ARMC9: variants seen among roughly 807,000 people sequenced by gnomAD.
ARMC9 encodes the protein armadillo repeat containing 9, also known as lisH domain-containing protein ARMC9.
A neutral mutation model predicts 107.0 loss-of-function variants in ARMC9; 94 were observed. The observed-to-expected ratio is 0.88, with a 90% CI of 0.74 to 1.04. The LOEUF is 1.04. ARMC9 is among the 50% of genes least tolerant of loss of function. The pLI is 0.00. For missense variants in ARMC9, 942 were observed against 1,030.1 expected, an observed-to-expected ratio of 0.91 and a Z score of 1.17; for synonymous variants, 380 against 396.9, an observed-to-expected ratio of 0.96 and a Z score of 0.51.
chr2:231,296,452 T>C (rs2041374227), intron 19 of ARMC9, among the ~76,000 whole-genome samples, 199 bp downstream of exon 19: 2 of 152,160 alleles, frequency 1.3e-5, no homozygotes, highest in Non-Finnish European at 2.9e-5. Flanking sequence ...CCAGCGGCCA[T>C]GTTTGAAGAC....
chr2:231,236,722 T>C (rs1157359106), intron 8 of ARMC9, among the ~76,000 whole-genome samples: 1 of 152,144 alleles, frequency 6.6e-6, no homozygotes. Flanking sequence ...GGGCAGATCA[T>C]CTGAGGTCAG....
At chr2:231,316,069 C>T (rs1400046899) in intron 19 of ARMC9, among the ~76,000 whole-genome samples, 1 of 151,968 alleles carries the variant, frequency 6.6e-6, no homozygotes, top group Non-Finnish European at 1.5e-5. Flanking sequence ...CTTTTGTGCT[C>T]TTGTTGCCAT....
At chr2:231,307,880 AG>A (rs1304780983) in intron 19 of ARMC9, among the ~76,000 whole-genome samples, 7 of 152,350 alleles carry the variant, frequency 4.6e-5, no homozygotes, top group Admixed American at 1.3e-4. Flanking sequence ...CAAATAAGAG[AG>A]GTGTTCAAGC....
chr2:231,317,383 C>T (rs1435530855), intron 19 of ARMC9, among the ~76,000 whole-genome samples: 1 of 152,184 alleles, frequency 6.6e-6, no homozygotes, highest in Non-Finnish European at 1.5e-5. Flanking sequence ...GCTGGCCAGA[C>T]TGGTCTCGAA....
At chr2:231,312,598 CTTTT>C (rs1205045864) in intron 19 of ARMC9, among the ~76,000 whole-genome samples, 2 of 126,594 alleles carry the variant, frequency 1.6e-5, no homozygotes, top group Non-Finnish European at 3.4e-5. Context: ...GTTTCACACA[CTTTT>C]TTTTTTTTTT....
chr2:231,348,200 T>C (rs1388236957), intron 21 of ARMC9, among the ~76,000 whole-genome samples: 2 of 152,166 alleles, frequency 1.3e-5, no homozygotes, highest in Non-Finnish European at 2.9e-5. Context: ...GTGGACCCAA[T>C]GTAATCACAA....
intron 19 of ARMC9, among the ~76,000 whole-genome samples, chr2:231,303,769 T>C (rs1363896535): frequency 1.3e-5 from 2 of 149,336 alleles, no homozygotes; most frequent in East Asian, 2.0e-4. Context: ...GAAACCCCAT[T>C]TCTACTAAAA....
At chr2:231,295,489 C>T (rs925569733) in intron 18 of ARMC9, 2 of 152,342 alleles carry the variant, frequency 1.3e-5, no homozygotes, top group East Asian at 1.9e-4. Context: ...GGCCCTAAGC[C>T]GGGCGCTTCC....
chr2:231,287,470 A>C (rs973642903), intron 17 of ARMC9, among the ~76,000 whole-genome samples: 14 of 152,240 alleles, frequency 9.2e-5, no homozygotes, highest in African/African-American at 3.4e-4. Flanking sequence ...CAGGTGTCAC[A>C]GTTGTCCATT....
At chr2:231,271,368 G>T (rs973184105) in intron 13 of ARMC9, among the ~76,000 whole-genome samples, 2 of 152,140 alleles carry the variant, frequency 1.3e-5, no homozygotes, top group Admixed American at 6.6e-5. Flanking sequence ...TATATCACAG[G>T]TAATGAATGC....
At chr2:231,306,525 C>T (rs2042043657) in intron 19 of ARMC9, among the ~76,000 whole-genome samples, 2 of 152,080 alleles carry the variant, frequency 1.3e-5, no homozygotes, top group South Asian at 4.1e-4. Flanking sequence ...AAAAATGTGG[C>T]TGTTGGTCAC....
rs1376885963 is a variant in ARMC9, at chr2:231,277,665, C to T, written c.1475-717C>T. On this transcript the variant is annotated intron_variant, in intron 15 of 24. Transcript: ENST00000611582. ...GCAACCTCTGCCTCCCGGGTTCAAG[C>T]GATTCTCCTGCCTCAGCCTCCCGAG... Among the ~76,000 whole-genome samples, 5 of 151,054 alleles carry T rather than the reference C, an allele frequency of 3.3e-5. No homozygotes were observed. In the South Asian group the frequency reaches 6.3e-4, roughly 19 times the overall value.
At position 231,311,827 on chromosome 2, in the gene ARMC9, C is replaced by T. The variant is rs547631882; in HGVS notation, c.1773+15574C>T. Among the ~76,000 whole-genome samples, 10 of 151,190 alleles carry T rather than the reference C, an allele frequency of 6.6e-5. No homozygotes were observed. The South Asian group carries it at 8.5e-4, about 13-fold the overall frequency. Reference sequence around the variant, plus strand: ...TGCAGGGGTTCTGATGGTTCCTTTCCGCAGAGAATCCCTTCATCCCTTCAG... The same window carrying T: ...TGCAGGGGTTCTGATGGTTCCTTTCTGCAGAGAATCCCTTCATCCCTTCAG... On this transcript the variant is annotated intron_variant, in intron 19 of 24. Coordinates refer to ENST00000611582, the MANE Select transcript of ARMC9 (RefSeq NM_001352754.2).
At chr2:231,268,766 A>G (rs538026075) in intron 12 of ARMC9, among the ~76,000 whole-genome samples, 15 of 152,326 alleles carry the variant, frequency 9.8e-5, no homozygotes, top group African/African-American at 3.6e-4. Flanking sequence ...TTTGCTGTAC[A>G]GAAATCCAAA....
chr2:231,232,933 C>T (rs1054308961), intron 7 of ARMC9, among the ~76,000 whole-genome samples: 1 of 152,126 alleles, frequency 6.6e-6, no homozygotes, highest in Non-Finnish European at 1.5e-5. Flanking sequence ...TCACTGTAAC[C>T]TCCACCTCCT....
chr2:231,240,152 G>A, intron 9 of ARMC9, 111 bp downstream of exon 9: 2 of 958,620 alleles, frequency 2.1e-6, no homozygotes, highest in East Asian at 5.3e-5. Context: ...CTGCATTTAA[G>A]CTGGCTTTTG....
intron 19 of ARMC9, among the ~76,000 whole-genome samples, chr2:231,316,507 A>G (rs962278812): frequency 6.6e-6 from 1 of 151,814 alleles, no homozygotes; most frequent in African/African-American, 2.4e-5. Flanking sequence ...CTAAAAATAT[A>G]AAAAATTAGC....
intron 19 of ARMC9, among the ~76,000 whole-genome samples, chr2:231,299,322 A>G (rs1441521467): frequency 6.6e-6 from 1 of 152,252 alleles, no homozygotes; most frequent in Non-Finnish European, 1.5e-5. Flanking sequence ...ACACAGGGCT[A>G]TGGATTATGT....
intron 9 of ARMC9, among the ~76,000 whole-genome samples, chr2:231,247,381 C>G (rs907449202): frequency 2.6e-5 from 4 of 152,366 alleles, no homozygotes; most frequent in South Asian, 4.1e-4. Context: ...TCTTTGTCAG[C>G]AGCTTCCTGC....
Sources: allele counts gnomAD v4.1 joint callset (sites outside exome capture counted in the v4.1 genomes callset), GRCh38; gene constraint gnomAD v4.1.1; transcripts MANE v1.5; gene names NCBI Gene and HGNC (gene_info 2026-07-23, HGNC 2026-07-21).